The following TECTA variants were observed in gnomAD, a reference collection of about 807,000 sequenced individuals.
The protein encoded by TECTA is alpha-tectorin.
TECTA carries 128 observed loss-of-function variants against 216.8 expected under a neutral mutation model. The observed-to-expected ratio is 0.59, with a 90% CI of 0.51 to 0.68. TECTA has a LOEUF of 0.68. TECTA is among the 30% of genes least tolerant of loss of function. The pLI, the probability that TECTA is intolerant of heterozygous loss-of-function variation, is 0.00. For synonymous variants in TECTA, 1,089 were observed against 1,117.1 expected, an observed-to-expected ratio of 0.97 and a Z score of 0.50; for missense variants, 2,551 against 2,786.2, an observed-to-expected ratio of 0.92 and a Z score of 1.90.
At chr11:121,188,677 G>A (rs1947312015) in intron 21 of TECTA, among the ~76,000 whole-genome samples, 1 of 152,174 alleles carries the variant, frequency 6.6e-6, no homozygotes, top group Admixed American at 6.5e-5. Flanking sequence ...TAACATTGCA[G>A]CTTTATGCTT....
At chr11:121,180,813 C>CTTTTT (rs34807486) in intron 20 of TECTA, among the ~76,000 whole-genome samples, 5 of 119,990 alleles carry the variant, frequency 4.2e-5, no homozygotes, top group Admixed American at 1.8e-4. Flanking sequence ...TTTCTTATTC[C>CTTTTT]TTTTTTTTTT....
At chr11:121,187,050 C>T (rs7926577) in intron 20 of TECTA, among the ~76,000 whole-genome samples, 1,596 of 152,214 alleles carry the variant, frequency 0.01, 26 homozygotes, top group African/African-American at 0.037. Context: ...GTGCCTGGTC[C>T]GGGCATGACT....
intron 18 of TECTA, 52 bp from the exon 19 acceptor site, chr11:121,168,002 C>A: frequency 6.2e-7 from 1 of 1,600,960 alleles, no homozygotes; most frequent in Non-Finnish European, 8.6e-7. Context: ...GATATGCAAG[C>A]TACATACTCA....
chr11:121,173,477 T>G (rs369256271), intron 20 of TECTA, among the ~76,000 whole-genome samples: 4 of 126,754 alleles, frequency 3.2e-5, no homozygotes, highest in Admixed American at 8.1e-5. Flanking sequence ...TTTTCTCAGG[T>G]TTGTCAAAGA....
intron 4 of TECTA, among the ~76,000 whole-genome samples, chr11:121,112,787 T>G (rs141314909): frequency 2.6e-5 from 4 of 152,352 alleles, no homozygotes; most frequent in African/African-American, 9.6e-5. Flanking sequence ...TAGCCGGGCC[T>G]CTGAATTTTC....
chr11:121,181,985 T>C (rs1947234478), intron 20 of TECTA, among the ~76,000 whole-genome samples: 1 of 152,222 alleles, frequency 6.6e-6, no homozygotes, highest in Non-Finnish European at 1.5e-5. Flanking sequence ...TCCATATGAT[T>C]TCTTCAGCTG....
chr11:121,182,091 G>A (rs1041568374), intron 20 of TECTA, among the ~76,000 whole-genome samples: 20 of 152,196 alleles, frequency 1.3e-4, no homozygotes, highest in Admixed American at 1.3e-3. Context: ...TGCCAGATGG[G>A]CCAGTCCTCG....
chr11:121,166,629 AAG>A lies in TECTA; in HGVS notation c.5436_5437del (p.Glu1812AspfsTer5). The A allele has an allele frequency of 6.2e-7, 1 of 1,614,182 alleles. No homozygotes were observed. The highest frequency in any genetic ancestry group is 8.5e-7 in the Non-Finnish European group (1 of 1,180,030). ...GTGACCTGCAAAGCAGCCCAAATGG[AAG>A]TGTCCATATCTAAGTGCAAGCTCTT... On this transcript the variant is annotated frameshift_variant, in exon 18 of 24. Coordinates refer to ENST00000392793, the MANE Select transcript of TECTA (RefSeq NM_005422.4). LOFTEE classifies it high-confidence loss of function.
In TECTA at chr11:121,169,555, TAAC is replaced by T. The variant is rs145897087; in HGVS notation, c.5999+633_5999+635del. The stretch of plus-strand genomic sequence containing the variant: ...TTTACATTTATTGCAATAGATTTTA[TAAC>T]AATTCATTTTAACAGCTTTATTGCA... On this transcript the variant is annotated intron_variant, in intron 20 of 23. Coordinates refer to ENST00000392793, the MANE Select transcript of TECTA (RefSeq NM_005422.4). Among the ~76,000 whole-genome samples the T allele has an allele frequency of 4.5e-3, 681 of 152,352 alleles. 7 individuals are homozygous for T. Among genetic ancestry groups the T allele is most frequent in the African/African-American group, 0.016 (651 of 41,592 alleles).
intron 4 of TECTA, 166 bp downstream of exon 4, chr11:121,109,664 C>G: frequency 2.7e-6 from 2 of 746,408 alleles, no homozygotes; most frequent in Non-Finnish European, 4.5e-6. Context: ...AGGGAACTAT[C>G]ACAGTTAACC....
At chr11:121,120,445 G>A (rs765811308) in intron 7 of TECTA, among the ~76,000 whole-genome samples, 2 of 152,214 alleles carry the variant, frequency 1.3e-5, no homozygotes, top group African/African-American at 2.4e-5. Flanking sequence ...GCAGAGCCCC[G>A]ACCCAGGGTG....
chr11:121,120,179 A>G (rs1222123624), intron 7 of TECTA, among the ~76,000 whole-genome samples: 1 of 152,080 alleles, frequency 6.6e-6, no homozygotes, highest in Non-Finnish European at 1.5e-5. Context: ...TTAGAAGGAA[A>G]GGGACACCGT....
Position 121,130,184 on chromosome 11 carries a change from G to A in TECTA, c.2914G>A (p.Gly972Arg). The change falls in exon 10 of 24, where the codon GGG becomes AGG. Residue 972 changes from glycine (G) to arginine (R), a missense_variant. Physicochemically the swap from Gly to Arg is moderately radical, Grantham distance 125 (BLOSUM62 -2). Coordinates refer to ENST00000392793, the MANE Select transcript of TECTA (RefSeq NM_005422.4). ...SACKNADVEV[G>R]PWRTYDFCPL... is the part of the protein sequence containing the mutation. ...CTGCAAGAATGCGGACGTGGAGGTG[G>A]GGCCCTGGCGGACCTATGACTTCTG... is the stretch of plus-strand genomic sequence containing the variant. 1 of 1,601,568 alleles carries A rather than the reference G, an allele frequency of 6.2e-7. No homozygotes were observed. The highest frequency in any genetic ancestry group is 8.5e-7 in the Non-Finnish European group (1 of 1,179,952).
At chr11:121,189,197 A>T in intron 22 of TECTA, 30 bp downstream of exon 22, 1 of 1,604,966 alleles carries the variant, frequency 6.2e-7, no homozygotes, top group East Asian at 2.2e-5. Flanking sequence ...CACACCCTAA[A>T]TTATTAAAAC....
In TECTA at chr11:121,125,347, A is replaced by G; in HGVS notation, c.1249A>G (p.Thr417Ala). 1.2e-6 allele frequency: 2 copies of G among 1,614,086 alleles called. No individual in the cohort carries two copies. Among genetic ancestry groups the G allele is most frequent in the Non-Finnish European group, 8.5e-7 (1 of 1,180,036 alleles). Residue 417 changes from threonine to alanine, a missense_variant, in exon 8 of 24, where the codon ACA (threonine) becomes GCA (alanine). By Grantham distance (58) the Thr-to-Ala change is moderately conservative. Transcript: ENST00000392793. ...TTTGCCTGTCACCTTAGACTTGGGG[A>G]CAGTGAAAATCTACCAGAGTGGCAT... ...TSLPVTLDLGTVKIYQSGIST... is the reference protein window; with the variant it reads ...TSLPVTLDLGAVKIYQSGIST...
chr11:121,164,363 G>A (rs1218554831), intron 16 of TECTA, among the ~76,000 whole-genome samples: 3 of 152,156 alleles, frequency 2.0e-5, no homozygotes, highest in East Asian at 1.9e-4. Flanking sequence ...CTCATGCTGG[G>A]ATTGAACAGT....
chr11:121,190,173 C>T (rs1158830180), intron 23 of TECTA: 1 of 407,876 alleles, frequency 2.5e-6, no homozygotes, highest in Non-Finnish European at 4.6e-6. Context: ...CATCTGGCTG[C>T]CAAGTCTACT....
chr11:121,121,657 A>G (rs182777107), intron 7 of TECTA, among the ~76,000 whole-genome samples: 1 of 152,324 alleles, frequency 6.6e-6, no homozygotes, highest in East Asian at 1.9e-4. Flanking sequence ...CCTGAGTGCG[A>G]CAAGAACAGA....
chr11:121,125,875 A>G lies in TECTA; in HGVS notation c.1774+3A>G, dbSNP rs750979245. 1 of 1,605,760 alleles carries G rather than the reference A, an allele frequency of 6.2e-7. No homozygotes were observed. Among genetic ancestry groups the G allele is most frequent in the South Asian group, 1.1e-5 (1 of 91,058 alleles). ...CTGGCGAACCCAGACTGGGTGTGGT[A>G]AGCTGGCATCCCATCCCCATGACAG... On this transcript the variant is annotated splice_donor_region_variant and intron_variant, in intron 8 of 23. Transcript: ENST00000392793.
Sources: gnomAD v4.1 joint callset for allele counts (sites outside exome capture counted in the v4.1 genomes callset) on GRCh38, gnomAD v4.1.1 for gene constraint, MANE v1.5 for transcripts, NCBI Gene and HGNC (gene_info 2026-07-23, HGNC 2026-07-21) for gene names.